ASB3: variants seen among roughly 807,000 people sequenced by gnomAD.
ASB3 encodes ankyrin repeat and SOCS box protein 3.
In ASB3, 41 loss-of-function variants were observed where a neutral mutation model predicts 54.5. That is an observed-to-expected ratio of 0.75 (90% CI 0.59 to 0.98). The LOEUF is 0.98. Ranked by LOEUF, ASB3 falls within the 50% of genes least tolerant of loss-of-function variation. The pLI is 0.00. For synonymous variants in ASB3, 266 were observed against 221.2 expected (o/e 1.20, Z -1.80); for missense variants, 733 against 620.0 (o/e 1.18, Z -1.94).
intron 2 of ASB3, among the ~76,000 whole-genome samples, chr2:53,754,358 T>C (rs1672698373): frequency 6.6e-6 from 1 of 152,116 alleles, no homozygotes; most frequent in Admixed American, 6.5e-5. Flanking sequence ...ACTTCTGGAG[T>C]GCAAGCCACC....
intron 1 of ASB3, among the ~76,000 whole-genome samples, chr2:53,778,149 CAAAAAA>C (rs34356077): frequency 1.6e-5 from 1 of 62,632 alleles, no homozygotes. Flanking sequence ...ATTCTTGTCT[CAAAAAA>C]AAAAAAAAAA....
intron 5 of ASB3, among the ~76,000 whole-genome samples, chr2:53,723,681 C>T (rs904138913): frequency 3.3e-5 from 5 of 152,144 alleles, no homozygotes; most frequent in Non-Finnish European, 5.9e-5. Flanking sequence ...CAATTTCAAA[C>T]TCTACTTTAA....
intron 5 of ASB3, among the ~76,000 whole-genome samples, chr2:53,726,623 T>TATATATATACACATATATATACACAC (rs1671011007): frequency 6.6e-6 from 1 of 150,992 alleles, no homozygotes; most frequent in Non-Finnish European, 1.5e-5. Context: ...TATACACACA[T>TATATATATACACATATATATACACAC]ATATATATAC....
intron 7 of ASB3, among the ~76,000 whole-genome samples, chr2:53,712,390 C>T (rs1024976749): frequency 6.6e-6 from 1 of 152,122 alleles, no homozygotes; most frequent in African/African-American, 2.4e-5. Context: ...CTCTACATAA[C>T]AAAATGGTCA....
chr2:53,779,736 CCAAT>C (rs1247035151), intron 1 of ASB3, among the ~76,000 whole-genome samples: 3 of 152,198 alleles, frequency 2.0e-5, no homozygotes, highest in Non-Finnish European at 2.9e-5. Flanking sequence ...TATGCCCAGT[CCAAT>C]CAAGTAATTT....
At chr2:53,766,704 A>T (rs113087176) in intron 1 of ASB3, among the ~76,000 whole-genome samples, 1 of 152,186 alleles carries the variant, frequency 6.6e-6, no homozygotes, top group African/African-American at 2.4e-5. Context: ...TTTTCTGTGT[A>T]TTCAAAATTT....
intron 3 of ASB3, among the ~76,000 whole-genome samples, chr2:53,734,464 A>T (rs1671503044): frequency 6.6e-6 from 1 of 152,156 alleles, no homozygotes; most frequent in Non-Finnish European, 1.5e-5. Flanking sequence ...CCATTTTCCC[A>T]CAAATCACTC....
chr2:53,694,308 T>G, intron 8 of ASB3: 1 of 268,216 alleles, frequency 3.7e-6, no homozygotes. Flanking sequence ...ATGACATCAG[T>G]GGATTTGCCA....
intron 1 of ASB3, among the ~76,000 whole-genome samples, chr2:53,768,746 T>C (rs1282355916): frequency 6.6e-6 from 1 of 152,246 alleles, no homozygotes; most frequent in African/African-American, 2.4e-5. Flanking sequence ...TGATTCACTT[T>C]TCAGTCAGTC....
chr2:53,750,489 T>TAAGTGATACCTGGTCTTCATAAA (rs1369467516), intron 3 of ASB3, among the ~76,000 whole-genome samples: 1 of 152,130 alleles, frequency 6.6e-6, no homozygotes, highest in Non-Finnish European at 1.5e-5. Context: ...TGCTACAATT[T>TAAGTGATACCTGGTCTTCATAAA]AAGTGATACC....
At chr2:53,743,336 A>G (rs1304135128) in intron 3 of ASB3, among the ~76,000 whole-genome samples, 1 of 152,128 alleles carries the variant, frequency 6.6e-6, no homozygotes, top group Non-Finnish European at 1.5e-5. Flanking sequence ...GTAAAAACTC[A>G]GGGAATAGTA....
At chr2:53,758,550 C>A (rs1184480410) in intron 2 of ASB3, among the ~76,000 whole-genome samples, 1 of 152,154 alleles carries the variant, frequency 6.6e-6, no homozygotes, top group Non-Finnish European at 1.5e-5. Context: ...AGCTCTAGAA[C>A]TCACCCTTGA....
intron 3 of ASB3, among the ~76,000 whole-genome samples, chr2:53,735,485 T>TAAAAAAAAAAAAAAAAA (rs11414333): frequency 7.7e-6 from 1 of 130,058 alleles, no homozygotes; most frequent in African/African-American, 2.8e-5. Context: ...AGCAAAGATC[T>TAAAAAAAAAAAAAAAAA]AAAAAAAAAA....
intron 4 of ASB3, among the ~76,000 whole-genome samples, 183 bp downstream of exon 4, chr2:53,729,275 C>T (rs1342959836): frequency 6.6e-6 from 1 of 152,178 alleles, no homozygotes; most frequent in Non-Finnish European, 1.5e-5. Context: ...CCCAAAGCTT[C>T]CACAGCTACT....
chr2:53,691,652 G>C (rs1057025963), intron 9 of ASB3, among the ~76,000 whole-genome samples: 3 of 152,032 alleles, frequency 2.0e-5, no homozygotes, highest in Non-Finnish European at 2.9e-5. Context: ...GTAAAGGAGG[G>C]AGTCCCGATG....
chr2:53,670,517 T>G lies in ASB3; in HGVS notation c.1543A>C (p.Ile515Leu), dbSNP rs746945772. ...RMYEVPELAA[I>L]QDG is the part of the protein sequence containing the mutation. ...GTTTCACTGATTTATCCATCTTGAA[T>G]AGCTGCCAGTTCTGGAACTTCATAC... The change falls in exon 10 of 10, where the codon ATT (isoleucine) becomes CTT (leucine). Residue 515 changes from isoleucine (I) to leucine (L), a missense_variant. Physicochemically the swap from Ile to Leu is conservative, Grantham distance 5. Coordinates refer to ENST00000263634, the MANE Select transcript of ASB3 (RefSeq NM_016115.5). 5 of 1,613,712 alleles carry G rather than the reference T, an allele frequency of 3.1e-6. No homozygotes were observed. The highest frequency in any genetic ancestry group is 1.1e-5 in the South Asian group (1 of 91,020).
chr2:53,706,369 A>T (rs1368792931), intron 7 of ASB3, among the ~76,000 whole-genome samples: 1 of 152,208 alleles, frequency 6.6e-6, no homozygotes, highest in Non-Finnish European at 1.5e-5. Context: ...GCTCTCAAGG[A>T]GCTTACATTC....
At chr2:53,766,808 T>C (rs1673492376) in intron 1 of ASB3, among the ~76,000 whole-genome samples, 1 of 152,134 alleles carries the variant, frequency 6.6e-6, no homozygotes, top group Non-Finnish European at 1.5e-5. Context: ...TGTTTGTTTG[T>C]CTGGTAGCAG....
intron 3 of ASB3, among the ~76,000 whole-genome samples, chr2:53,743,627 T>A (rs1232910387): frequency 1.3e-5 from 2 of 152,202 alleles, no homozygotes; most frequent in African/African-American, 2.4e-5. Context: ...CTTTAAAAGC[T>A]GGAGGTTTAA....
Sources: gnomAD v4.1 joint callset for allele counts (sites outside exome capture counted in the v4.1 genomes callset) on GRCh38, gnomAD v4.1.1 for gene constraint, MANE v1.5 for transcripts, NCBI Gene and HGNC (gene_info 2026-07-23, HGNC 2026-07-21) for gene names.